UGT2B7: variants seen among roughly 807,000 people sequenced by gnomAD.
The protein encoded by UGT2B7 is UDP glucuronosyltransferase family 2 member B7, also known as UDP-glucuronosyltransferase 2B7.
In UGT2B7, 51 loss-of-function variants were observed where a neutral mutation model predicts 51.9. The observed-to-expected ratio is 0.98, with a 90% CI of 0.78 to 1.24. The LOEUF is 1.24. Ranked by LOEUF, UGT2B7 falls within the 50% of genes most tolerant of loss-of-function variation. UGT2B7 has a pLI of 0.00. For missense variants in UGT2B7, 727 were observed against 628.4 expected (o/e 1.16, Z -1.68); for synonymous variants, 225 against 211.6 (o/e 1.06, Z -0.55).
At chr4:69,074,950 C>T (rs1180651989) in intron 1 of UGT2B7, among the ~76,000 whole-genome samples, 1 of 152,112 alleles carries the variant, frequency 6.6e-6, no homozygotes, top group African/African-American at 2.4e-5. Flanking sequence ...TTATGATCAC[C>T]TCACTATACT....
chr4:69,086,578 G>T (rs1254889261), intron 1 of UGT2B7, among the ~76,000 whole-genome samples: 1 of 151,698 alleles, frequency 6.6e-6, no homozygotes, highest in Non-Finnish European at 1.5e-5. Context: ...GTAAAGTGCT[G>T]CACTCTTCTA....
At chr4:69,106,917 A>G (rs1350846650) in intron 3 of UGT2B7, among the ~76,000 whole-genome samples, 1 of 151,612 alleles carries the variant, frequency 6.6e-6, no homozygotes, top group African/African-American at 2.4e-5. Flanking sequence ...AAGGTGTAAC[A>G]ATTTTTTAAA....
At chr4:69,053,038 G>A (rs1208299834) in intron 1 of UGT2B7, among the ~76,000 whole-genome samples, 1 of 152,054 alleles carries the variant, frequency 6.6e-6, no homozygotes, top group African/African-American at 2.4e-5. Context: ...AGACATAAAA[G>A]TAAAAATGCA....
At chr4:69,088,538 T>C (rs1490183828) in intron 1 of UGT2B7, among the ~76,000 whole-genome samples, 1 of 152,162 alleles carries the variant, frequency 6.6e-6, no homozygotes, top group Admixed American at 6.6e-5. Context: ...ATCTCAAATG[T>C]TATACTTGTT....
Position 69,098,646 on chromosome 4 carries a change from T to G in UGT2B7, c.828T>G (p.Phe276Leu). Residue 276 changes from phenylalanine to leucine, a missense_variant, in exon 2 of 6, where the codon TTT becomes TTG. By Grantham distance (22) the Phe-to-Leu change is conservative. Coordinates refer to ENST00000305231, the MANE Select transcript of UGT2B7 (RefSeq NM_001074.4). ...FPYPLLPNVD[F>L]VGGLHCKPAK... ...ATCCACTCTTACCAAATGTTGATTT[T>G]GTTGGAGGACTCCACTGCAAACCTG... 6.2e-7 allele frequency: 1 copy of G among 1,612,722 alleles called. No individual in the cohort carries two copies. The highest frequency in any genetic ancestry group is 8.5e-7 in the Non-Finnish European group (1 of 1,179,098).
chr4:69,071,870 C>T (rs77430191), intron 1 of UGT2B7, among the ~76,000 whole-genome samples: 4,999 of 152,040 alleles, frequency 0.033, 263 homozygotes, highest in African/African-American at 0.12. Context: ...AAATATTAGT[C>T]TGGGGAAATT....
chr4:69,098,525 T>TC lies in UGT2B7; in HGVS notation c.722-15_722-14insC. 1 of 1,586,772 alleles carries TC rather than the reference T, an allele frequency of 6.3e-7. No homozygotes were observed. The highest frequency in any genetic ancestry group is 8.5e-7 in the Non-Finnish European group (1 of 1,173,080). On this transcript the variant is annotated splice_polypyrimidine_tract_variant and intron_variant, in intron 1 of 5. Coordinates refer to ENST00000305231, the MANE Select transcript of UGT2B7 (RefSeq NM_001074.4). ...ATCTTGTGTCATCCACCTTTTTTTTTTCTATTCCTGTCAGGAAGACCCACT... is the reference window on the plus strand; with the variant it reads ...ATCTTGTGTCATCCACCTTTTTTTTTCTCTATTCCTGTCAGGAAGACCCACT...
intron 1 of UGT2B7, among the ~76,000 whole-genome samples, chr4:69,077,446 C>CT (rs1718735605): frequency 6.6e-6 from 1 of 152,060 alleles, no homozygotes; most frequent in African/African-American, 2.4e-5. Flanking sequence ...TATTTGTGTC[C>CT]TGTCTTATTT....
chr4:69,063,318 C>CAAAAA (rs556109411), intron 1 of UGT2B7, among the ~76,000 whole-genome samples: 1 of 23,840 alleles, frequency 4.2e-5, no homozygotes, highest in Non-Finnish European at 7.4e-5. Context: ...GACTCCGTCT[C>CAAAAA]AAAAAAAAAA....
intron 1 of UGT2B7, among the ~76,000 whole-genome samples, chr4:69,069,330 T>A (rs1203590243): frequency 1.3e-5 from 2 of 152,032 alleles, no homozygotes; most frequent in African/African-American, 4.8e-5. Context: ...CCATTAAATT[T>A]TTTTTTCCCT....
At chr4:69,064,110 GAAAAA>G in intron 1 of UGT2B7, among the ~76,000 whole-genome samples, 1 of 82,738 alleles carries the variant, frequency 1.2e-5, no homozygotes, top group Middle Eastern at 6.3e-3. Context: ...AAGAAAGAAA[GAAAAA>G]GAAAGAAAGA....
In UGT2B7 at chr4:69,097,185, T is replaced by C. The variant is rs1719267369; in HGVS notation, c.665T>C (p.Phe222Ser). Residue 222 changes from phenylalanine to serine, a missense_variant, in exon 1 of 6, where the codon TTT becomes TCT. Phe to Ser is a radical substitution (Grantham distance 155). Transcript: ENST00000305231. ...ATGATCTATGTGCTTTACTTTGACT[T>C]TTGGTTCGAAATATTTGACATGAAG... Reference protein sequence around the residue: ...KNMIYVLYFDFWFEIFDMKKW... With the variant: ...KNMIYVLYFDSWFEIFDMKKW... 1 of 1,612,634 alleles carries C rather than the reference T, an allele frequency of 6.2e-7. No individual in the cohort carries two copies. The highest frequency in any genetic ancestry group is 1.3e-5 in the African/African-American group (1 of 74,808).
intron 5 of UGT2B7, among the ~76,000 whole-genome samples, chr4:69,111,480 T>C (rs1162903123): frequency 2.6e-5 from 4 of 152,206 alleles, no homozygotes; most frequent in Non-Finnish European, 5.9e-5. Flanking sequence ...ATAATTCTCA[T>C]ATTGCATTTT....
chr4:69,083,695 A>G (rs1215232711), intron 1 of UGT2B7, among the ~76,000 whole-genome samples: 2 of 152,098 alleles, frequency 1.3e-5, no homozygotes, highest in South Asian at 2.1e-4. Context: ...TAGATATTGG[A>G]ATACGGAAAC....
intron 1 of UGT2B7, among the ~76,000 whole-genome samples, chr4:69,069,122 C>G (rs539198098): frequency 6.6e-6 from 1 of 150,580 alleles, no homozygotes. Context: ...AAAAAAGGAC[C>G]GGTAGATATC....
intron 2 of UGT2B7, among the ~76,000 whole-genome samples, chr4:69,101,312 C>A (rs1479777687): frequency 1.3e-5 from 2 of 151,958 alleles, no homozygotes; most frequent in South Asian, 2.1e-4. Flanking sequence ...AATAATATCA[C>A]AACATAAAAA....
chr4:69,063,326 A>AAAAAAG (rs1204898210), intron 1 of UGT2B7, among the ~76,000 whole-genome samples: 26 of 59,562 alleles, frequency 4.4e-4, no homozygotes, highest in African/African-American at 2.8e-3. Context: ...CTCAAAAAAA[A>AAAAAAG]AAAAAAAAAA....
chr4:69,059,218 A>G lies in UGT2B7; in HGVS notation c.-159+7616A>G, dbSNP rs554753387. Reference sequence around the variant, plus strand: ...TAGACACCAGAGCTAAACACTCAGTAGTGACCCAACCTATAGGGCCACTAT... The same window carrying G: ...TAGACACCAGAGCTAAACACTCAGTGGTGACCCAACCTATAGGGCCACTAT... On this transcript the variant is annotated intron_variant, in intron 1 of 5. Transcript: ENST00000502942. Among the ~76,000 whole-genome samples the G allele has an allele frequency of 7.9e-5, 12 of 152,344 alleles. No homozygotes were observed. The South Asian group carries it at 1.2e-3, about 16-fold the overall frequency.
At chr4:69,107,586 A>G (rs1231011958) in intron 4 of UGT2B7, among the ~76,000 whole-genome samples, 1 of 151,974 alleles carries the variant, frequency 6.6e-6, no homozygotes, top group African/African-American at 2.4e-5. Flanking sequence ...CCTCTCCCGC[A>G]GGGTTATTTG....
Sources: allele counts gnomAD v4.1 joint callset (sites outside exome capture counted in the v4.1 genomes callset), GRCh38; gene constraint gnomAD v4.1.1; transcripts MANE v1.5; gene names NCBI Gene and HGNC (gene_info 2026-07-23, HGNC 2026-07-21).